The following N4BP2L1 variants were observed in gnomAD, a reference collection of about 807,000 sequenced individuals.
N4BP2L1 encodes the protein NEDD4 binding protein 2 like 1.
N4BP2L1 carries 12 observed loss-of-function variants against 21.2 expected under a neutral mutation model. That is an observed-to-expected ratio of 0.57 (90% confidence interval 0.36 to 0.92). The LOEUF (loss-of-function observed/expected upper bound fraction) is 0.92, where lower values mean the gene tolerates loss of function less well. Among genes scored for constraint, N4BP2L1 ranks in the 40% least tolerant of loss-of-function variants. The pLI is 0.01. For synonymous variants in N4BP2L1, 104 were observed against 112.8 expected (o/e 0.92, Z 0.49); for missense variants, 259 against 310.6 (o/e 0.83, Z 1.25).
chr13:32,423,032 T>C (rs1359160235), intron 1 of N4BP2L1, among the ~76,000 whole-genome samples: 1 of 152,168 alleles, frequency 6.6e-6, no homozygotes, highest in East Asian at 1.9e-4. Flanking sequence ...AGGAGCACTG[T>C]GGAGCAGAGT....
intron 4 of N4BP2L1, 97 bp downstream of exon 4, chr13:32,404,224 C>A: frequency 6.3e-7 from 1 of 1,589,978 alleles, no homozygotes; most frequent in Non-Finnish European, 8.6e-7. Flanking sequence ...TGAAAACTAC[C>A]ATGTCCATTT....
chr13:32,405,571 T>C (rs1197586397), intron 3 of N4BP2L1, among the ~76,000 whole-genome samples: 1 of 152,158 alleles, frequency 6.6e-6, no homozygotes, highest in African/African-American at 2.4e-5. Context: ...CCTTAAGTCT[T>C]GGTTTTAAGT....
At chr13:32,414,030 T>TA (rs1487994076) in intron 1 of N4BP2L1, among the ~76,000 whole-genome samples, 1 of 151,970 alleles carries the variant, frequency 6.6e-6, no homozygotes, top group Non-Finnish European at 1.5e-5. Flanking sequence ...TACAGGCATG[T>TA]GCCACCATGC....
chr13:32,415,214 C>T (rs570981801), intron 1 of N4BP2L1, among the ~76,000 whole-genome samples: 12 of 152,254 alleles, frequency 7.9e-5, no homozygotes, highest in Admixed American at 3.3e-4. Context: ...CTCCTAGTGG[C>T]CACTGCAGGG....
chr13:32,402,347 A>C lies in N4BP2L1; in HGVS notation c.*595T>G, dbSNP rs2073177922. On this transcript the variant is annotated 3_prime_UTR_variant, in exon 5 of 5. Coordinates refer to ENST00000380130, the MANE Select transcript of N4BP2L1 (RefSeq NM_052818.3). Reference sequence around the variant, plus strand: ...CATTTTTAACAATGATACATCATTAAAATAAAGAAATAACTTCCCAAAGTG... The same window carrying C: ...CATTTTTAACAATGATACATCATTACAATAAAGAAATAACTTCCCAAAGTG... 7 of 604,084 alleles carry C rather than the reference A, an allele frequency of 1.2e-5. No homozygotes were observed. The highest frequency in any genetic ancestry group is 1.5e-5 in the Non-Finnish European group (7 of 482,034). The allele number at this position is 604,084 out of a possible 1,614,324, so 37.4% of individuals were successfully genotyped here.
upstream of N4BP2L1, among the ~76,000 whole-genome samples, chr13:32,428,898 T>C (rs2074925990): frequency 6.6e-6 from 1 of 152,202 alleles, no homozygotes; most frequent in African/African-American, 2.4e-5. Context: ...AGTTCTCAGT[T>C]CCAGGAACTA....
At chr13:32,403,787 T>C in intron 4 of N4BP2L1, 1 of 531,932 alleles carries the variant, frequency 1.9e-6, no homozygotes, top group Non-Finnish European at 3.8e-6. Context: ...GAACCAGCCT[T>C]ACTCCTAAGA....
chr13:32,419,454 T>TTTA (rs2074348405), intron 1 of N4BP2L1: 2 of 333,186 alleles, frequency 6.0e-6, no homozygotes, highest in Non-Finnish European at 1.1e-5. Flanking sequence ...TTTTGTATTT[T>TTTA]ACAGACGGGG....
At chr13:32,403,508 A>G (rs753283027) in intron 4 of N4BP2L1, 5 of 430,796 alleles carry the variant, frequency 1.2e-5, no homozygotes, top group Non-Finnish European at 2.2e-5. Flanking sequence ...TTAAAAAATC[A>G]TACATTTGCC....
At chr13:32,413,236 T>C (rs968555932) in intron 1 of N4BP2L1, among the ~76,000 whole-genome samples, 8 of 152,158 alleles carry the variant, frequency 5.3e-5, no homozygotes, top group African/African-American at 1.9e-4. Flanking sequence ...TAATGTTAGG[T>C]TTTTAAATTT....
At chr13:32,417,061 C>T (rs1053318305) in intron 1 of N4BP2L1, among the ~76,000 whole-genome samples, 1 of 152,142 alleles carries the variant, frequency 6.6e-6, no homozygotes, top group Non-Finnish European at 1.5e-5. Flanking sequence ...ATGATCCACC[C>T]GCCTTGGCCT....
chr13:32,411,034 T>C (rs973107917), intron 1 of N4BP2L1, among the ~76,000 whole-genome samples: 1 of 152,238 alleles, frequency 6.6e-6, no homozygotes, highest in African/African-American at 2.4e-5. Flanking sequence ...TGGAAGTTAA[T>C]ACTTTATAAT....
In N4BP2L1 at chr13:32,427,989, C is replaced by A; in HGVS notation, c.94G>T (p.Gly32Trp). ...AAGCTGTGGCGGCGAGGAGGTGTCC[C>A]CCGCGGGGGCGGCCGGGGCGGCCGC... ...RQRPPRPPPR[G>W]TPPRRHSFRK... The change falls in exon 1 of 5, where the codon GGG (glycine) becomes TGG (tryptophan). Residue 32 changes from glycine to tryptophan, a missense_variant. Gly to Trp is a radical substitution (Grantham distance 184). Coordinates refer to ENST00000380130, the MANE Select transcript of N4BP2L1 (RefSeq NM_052818.3). 6.4e-7 allele frequency: 1 copy of A among 1,555,584 alleles called. No homozygotes were observed. The highest frequency in any genetic ancestry group is 2.6e-5 in the East Asian group (1 of 39,140).
chr13:32,402,979 G>A lies in N4BP2L1; in HGVS notation c.695C>T (p.Ser232Phe), dbSNP rs2073238172. The change falls in exon 5 of 5, where the codon TCC becomes TTC. Residue 232 changes from serine (S) to phenylalanine (F), a missense_variant. Physicochemically the swap from Ser to Phe is radical, Grantham distance 155 (BLOSUM62 -2). Transcript: ENST00000380130. Reference protein sequence around the residue: ...RAHGGFTNESSYHRRGGCHHG... With the variant: ...RAHGGFTNESFYHRRGGCHHG... The stretch of plus-strand genomic sequence containing the variant: ...GTGACAACCGCCCCTTCTGTGATAG[G>A]AGCTCTCATTTGTAAATCCACCGTG... 6.2e-7 allele frequency: 1 copy of A among 1,613,398 alleles called. No homozygotes were observed. The highest frequency in any genetic ancestry group is 1.1e-5 in the South Asian group (1 of 91,006).
intron 1 of N4BP2L1, among the ~76,000 whole-genome samples, chr13:32,414,917 G>A (rs2074045585): frequency 6.6e-6 from 1 of 152,072 alleles, no homozygotes; most frequent in Non-Finnish European, 1.5e-5. Context: ...TGTTGTCTTC[G>A]TATGAAAGAC....
At position 32,402,012 on chromosome 13, in the gene N4BP2L1, T is replaced by A. The variant is rs1593210074; in HGVS notation, c.*930A>T. 2 of 985,360 alleles carry A rather than the reference T, an allele frequency of 2.0e-6. No homozygotes were observed. The highest frequency in any genetic ancestry group is 1.1e-4 in the East Asian group (1 of 8,822). The allele number at this position is 985,360 out of a possible 1,614,324, so 61.0% of individuals were successfully genotyped here. A position where few individuals can be genotyped will look rare whatever the true frequency, so the allele number is the denominator to read the frequency against. On this transcript the variant is annotated 3_prime_UTR_variant, in exon 5 of 5. Coordinates refer to ENST00000380130, the MANE Select transcript of N4BP2L1 (RefSeq NM_052818.3). ...CACATAAAACATCAACTGCTCATTT[T>A]GTAATGAGCATGGCTTTTATATATC...
At chr13:32,417,442 G>A (rs573933283) in intron 1 of N4BP2L1, among the ~76,000 whole-genome samples, 3 of 152,294 alleles carry the variant, frequency 2.0e-5, no homozygotes, top group African/African-American at 7.2e-5. Flanking sequence ...GGATGTGTTT[G>A]CTTCCCCTTC....
chr13:32,413,021 T>C (rs371893299), intron 1 of N4BP2L1, among the ~76,000 whole-genome samples: 2 of 152,280 alleles, frequency 1.3e-5, no homozygotes, highest in South Asian at 4.1e-4. Context: ...CCTCCCGGGT[T>C]CAATCAATTC....
intron 1 of N4BP2L1, among the ~76,000 whole-genome samples, chr13:32,426,132 CT>C (rs1051821639): frequency 1.3e-5 from 2 of 152,212 alleles, no homozygotes; most frequent in Admixed American, 1.3e-4. Context: ...ATCCAAGCCC[CT>C]GATGTTCCAT....
Sources: gnomAD v4.1 joint callset for allele counts (sites outside exome capture counted in the v4.1 genomes callset) on GRCh38, gnomAD v4.1.1 for gene constraint, MANE v1.5 for transcripts, NCBI Gene and HGNC (gene_info 2026-07-23, HGNC 2026-07-21) for gene names.